Variants in COL4A6 observed in about 807,000 individuals in gnomAD.
COL4A6 encodes the protein collagen type IV alpha 6 chain.
Under a neutral mutation model 126.7 loss-of-function variants are expected in COL4A6, and 59 were observed. That is an observed-to-expected ratio of 0.47 (90% CI 0.38 to 0.58). COL4A6 has a LOEUF of 0.58. Ranked by LOEUF, COL4A6 falls within the 20% of genes least tolerant of loss-of-function variation. The pLI, the probability that COL4A6 is intolerant of heterozygous loss-of-function variation, is 0.00. For synonymous variants in COL4A6, 547 were observed against 496.6 expected, an observed-to-expected ratio of 1.10 and a Z score of -1.35; for missense variants, 1,285 against 1,337.3, an observed-to-expected ratio of 0.96 and a Z score of 0.61.
At chrX:108,300,222 C>T (rs181981287) in intron 3 of COL4A6, among the ~76,000 whole-genome samples, 1 of 111,257 alleles carries the variant, frequency 9.0e-6, no homozygotes, top group East Asian at 2.8e-4. Context: ...ACACTGGTTT[C>T]CAAAGAGTTA....
In COL4A6 at chrX:108,181,232, C is replaced by A. The variant is rs146653580; in HGVS notation, c.1952-264G>T. ...CTGATGCCCAGTGGGCAAACAGTCA[C>A]CTATGCAGCAGATGTTACCTAACAA... On this transcript the variant is annotated intron_variant, in intron 23 of 44. Coordinates refer to ENST00000334504, the MANE Select transcript of COL4A6 (RefSeq NM_033641.4). Among the ~76,000 whole-genome samples, 3,851 of 112,268 alleles carry A rather than the reference C, an allele frequency of 0.034. 167 individuals are homozygous for A. The highest frequency in any genetic ancestry group is 0.12 in the African/African-American group (3,640 of 30,837).
chrX:108,322,249 T>C (rs894124401), intron 2 of COL4A6, among the ~76,000 whole-genome samples: 1 of 111,607 alleles, frequency 9.0e-6, no homozygotes, highest in Non-Finnish European at 1.9e-5. Flanking sequence ...TTCTGTCCCA[T>C]GTTTAATGTG....
rs1200901384 is a variant in COL4A6 at position 108,214,132 on chromosome X, G to C, written c.421C>G (p.Pro141Ala). The C allele has an allele frequency of 8.3e-7, 1 of 1,207,960 alleles. No individual in the cohort carries two copies. Among genetic ancestry groups the C allele is most frequent in the East Asian group, 3.0e-5 (1 of 33,714 alleles). ...CATACGGGTGGTCCGAGAAGCCCAG[G>C]ATAGCCATCAGGGCCTGGAAATCCA... The part of the protein sequence containing the change: ...AVGFPGPDGY[P>A]GLLGPPGLPG... Residue 141 changes from proline to alanine, a missense_variant, in exon 6 of 45, where the codon CCT (proline) becomes GCT (alanine). By Grantham distance (27) the Pro-to-Ala change is conservative (BLOSUM62 -1). Coordinates refer to ENST00000334504, the MANE Select transcript of COL4A6 (RefSeq NM_033641.4).
At position 108,378,336 on chromosome X, in the gene COL4A6, T is replaced by C. The variant is rs1347822356; in HGVS notation, c.63+59606A>G. 5.4e-5 allele frequency among the ~76,000 whole-genome samples: 6 copies of C among 111,798 alleles called. No homozygotes were observed. In the East Asian group the frequency reaches 1.7e-3, roughly 31 times the overall value. On this transcript the variant is annotated intron_variant, in intron 2 of 44. Transcript: ENST00000334504. ...GAACCTTTGATATGTTAATACGCAC[T>C]GTGAATCTCAATATGAAGAAAGAAC...
intron 3 of COL4A6, among the ~76,000 whole-genome samples, chrX:108,297,471 C>T (rs990320443): frequency 9.0e-6 from 1 of 111,237 alleles, no homozygotes; most frequent in Admixed American, 9.5e-5. Flanking sequence ...TCCCTGTCCT[C>T]TACCCACTAG....
chrX:108,265,761 G>A (rs1454650764), intron 3 of COL4A6, among the ~76,000 whole-genome samples: 2 of 110,646 alleles, frequency 1.8e-5, no homozygotes, highest in Non-Finnish European at 3.8e-5. Flanking sequence ...TAGAGAGAGA[G>A]ATAATGGCAC....
Position 108,362,433 on chromosome X carries a change from A to C in COL4A6, c.64-51605T>G, listed in dbSNP as rs369710091. ...TGTTGATGTGTACTCATAGGGATAA[A>C]CTGGGCTGTAAAGGTCGCCTAGTCC... On this transcript the variant is annotated intron_variant, in intron 2 of 44. Transcript: ENST00000334504. Among the ~76,000 whole-genome samples the C allele has an allele frequency of 1.5e-4, 17 of 112,093 alleles. No homozygotes were observed. In the East Asian group the frequency reaches 3.7e-3, roughly 24 times the overall value.
intron 3 of COL4A6, among the ~76,000 whole-genome samples, chrX:108,283,261 G>A (rs1354556050): frequency 1.8e-5 from 2 of 112,045 alleles, no homozygotes; most frequent in Non-Finnish European, 3.8e-5. Context: ...TCCACAGTTT[G>A]AAAACACAGT....
Position 108,162,137 on chromosome X carries a change from G to C in COL4A6, c.4217-402C>G, listed in dbSNP as rs1034699003. ...GGCCAAAGCAGGCAGATCACCTTAA[G>C]TCAGGAGTTCGAGACCAGCCTGGCC... On this transcript the variant is annotated intron_variant, in intron 41 of 44. Transcript: ENST00000334504. 1.8e-5 allele frequency among the ~76,000 whole-genome samples: 2 copies of C among 112,074 alleles called. 1 individual carries two copies. Among genetic ancestry groups the C allele is most frequent in the Admixed American group, 1.9e-4 (2 of 10,624 alleles).
rs758358354 is a variant in COL4A6, at chrX:108,194,516, T to C, written c.1002+18A>G. ...TCTTCTACCTACCAACCCTGGATTT[T>C]TCACTTCCCAACATTACCTCAATTC... On this transcript the variant is annotated intron_variant, in intron 16 of 44. Transcript: ENST00000334504. The C allele has an allele frequency of 8.3e-7, 1 of 1,202,819 alleles. No individual in the cohort carries two copies. The highest frequency in any genetic ancestry group is 1.1e-6 in the Non-Finnish European group (1 of 890,888).
At chrX:108,358,814 C>G (rs969940049) in intron 2 of COL4A6, among the ~76,000 whole-genome samples, 3 of 112,061 alleles carry the variant, frequency 2.7e-5, no homozygotes, top group Admixed American at 9.5e-5. Context: ...GCAGTCTTTT[C>G]TTTTGAATTC....
At chrX:108,194,407 C>A (rs1425571417) in intron 16 of COL4A6, 127 bp downstream of exon 16, 1 of 642,863 alleles carries the variant, frequency 1.6e-6, no homozygotes, top group Non-Finnish European at 2.4e-6. Flanking sequence ...AGATTACATG[C>A]ATTTCTTAAG....
intron 37 of COL4A6, among the ~76,000 whole-genome samples, chrX:108,166,604 T>A (rs1430234191): frequency 8.9e-6 from 1 of 112,113 alleles, no homozygotes; most frequent in Admixed American, 9.5e-5. Flanking sequence ...TGGGTGTTTT[T>A]AAATAGCTCA....
At chrX:108,370,582 A>G (rs185070122) in intron 2 of COL4A6, among the ~76,000 whole-genome samples, 5 of 111,932 alleles carry the variant, frequency 4.5e-5, no homozygotes, top group Admixed American at 2.9e-4. Context: ...AGGTCTGACT[A>G]TACATCAAGG....
chrX:108,277,380 C>T, intron 3 of COL4A6, among the ~76,000 whole-genome samples: 1 of 112,288 alleles, frequency 8.9e-6, no homozygotes, highest in East Asian at 2.8e-4. Flanking sequence ...TGGAGTCTCG[C>T]TGATTGCTAG....
chrX:108,347,115 GC>G (rs1223149685), intron 2 of COL4A6, among the ~76,000 whole-genome samples: 1 of 112,260 alleles, frequency 8.9e-6, no homozygotes, highest in Non-Finnish European at 1.9e-5. Flanking sequence ...GGTGGCCGAA[GC>G]CCATCCTGGC....
intron 2 of COL4A6, among the ~76,000 whole-genome samples, chrX:108,315,038 G>A (rs997527683): frequency 8.1e-5 from 9 of 111,552 alleles, no homozygotes; most frequent in Non-Finnish European, 1.9e-5. Context: ...CACTTTGCTT[G>A]GTCAGGATGT....
intron 5 of COL4A6, among the ~76,000 whole-genome samples, chrX:108,216,403 T>C (rs942199433): frequency 8.9e-6 from 1 of 112,126 alleles, no homozygotes; most frequent in African/African-American, 3.2e-5. Context: ...TGGTGATGAC[T>C]AATACCTACC....
In COL4A6 at chrX:108,246,015, A is replaced by G. The variant is rs187079957; in HGVS notation, c.145-24641T>C. Among the ~76,000 whole-genome samples, 431 of 111,608 alleles carry G rather than the reference A, an allele frequency of 3.9e-3. 2 individuals carry two copies. Among genetic ancestry groups the G allele is most frequent in the Non-Finnish European group, 4.1e-3 (216 of 53,072 alleles). ...CCTCTCACTTTCCATGGCCCTGATT[A>G]CTTGGGTTCCTCTGAACTACTGGGG... On this transcript the variant is annotated intron_variant, in intron 3 of 44. Transcript: ENST00000334504.
Sources: allele counts gnomAD v4.1 joint callset (sites outside exome capture counted in the v4.1 genomes callset), GRCh38; gene constraint gnomAD v4.1.1; transcripts MANE v1.5; gene names NCBI Gene and HGNC (gene_info 2026-07-23, HGNC 2026-07-21).